C6orf89: variants seen among roughly 807,000 people sequenced by gnomAD.
C6orf89 encodes bombesin receptor-activated protein C6orf89.
Under a neutral mutation model 40.7 loss-of-function variants are expected in C6orf89, and 29 were observed. The ratio of observed to expected loss-of-function variants is 0.71; its 90% CI spans 0.53 to 0.97. The LOEUF is 0.97. Ranked by LOEUF, C6orf89 falls within the 50% of genes least tolerant of loss-of-function variation. The pLI is 0.00. For missense variants in C6orf89, 392 were observed against 429.1 expected, an observed-to-expected ratio of 0.91 and a Z score of 0.76; for synonymous variants, 165 against 152.2, an observed-to-expected ratio of 1.08 and a Z score of -0.62.
intron 1 of C6orf89, among the ~76,000 whole-genome samples, chr6:36,893,554 A>G (rs1761303736): frequency 6.6e-6 from 1 of 152,246 alleles, no homozygotes; most frequent in Non-Finnish European, 1.5e-5. Flanking sequence ...TATCATTTTA[A>G]CTTGAATTAC....
chr6:36,914,559 A>G lies in C6orf89; in HGVS notation c.561A>G (p.Gly187=), dbSNP rs769681927. ...ERLHPLVIKT[G]KPLLEEEIQH... is the part of the protein sequence containing the mutation. ...TTGTTTCCTGCCTTGCCAAGACGGG[A>G]AAGCCCCTGTTGGAGGAAGAGATTC... Residue 187 remains glycine, a synonymous_variant, in exon 6 of 9, where the codon GGA becomes GGG. Transcript: ENST00000480824. 1.7e-5 allele frequency: 27 copies of G among 1,614,042 alleles called. No homozygotes were observed. The highest frequency in any genetic ancestry group is 2.0e-5 in the Non-Finnish European group (24 of 1,179,878).
intron 2 of C6orf89, among the ~76,000 whole-genome samples, chr6:36,897,044 G>A (rs759080892): frequency 3.3e-4 from 49 of 149,754 alleles, no homozygotes; most frequent in Admixed American, 1.4e-3. Flanking sequence ...CAGGAGAATC[G>A]CTTGAACTCG....
chr6:36,878,293 T>C (rs1318847042), intron 1 of C6orf89, among the ~76,000 whole-genome samples: 1 of 152,252 alleles, frequency 6.6e-6, no homozygotes, highest in Non-Finnish European at 1.5e-5. Flanking sequence ...TATGTCACTG[T>C]CACACTACCT....
intron 4 of C6orf89, among the ~76,000 whole-genome samples, chr6:36,910,134 T>C (rs1016103952): frequency 6.7e-6 from 1 of 148,312 alleles, no homozygotes; most frequent in Non-Finnish European, 1.5e-5. Context: ...TCCTCTAGCT[T>C]TTTTTTTTTT....
chr6:36,893,880 A>G (rs1267828380), intron 1 of C6orf89, among the ~76,000 whole-genome samples: 1 of 152,146 alleles, frequency 6.6e-6, no homozygotes, highest in Non-Finnish European at 1.5e-5. Context: ...AACAAAAAAT[A>G]TCATCCTTTA....
intron 4 of C6orf89, among the ~76,000 whole-genome samples, chr6:36,905,143 C>T (rs535236394): frequency 2.0e-5 from 3 of 152,280 alleles, no homozygotes; most frequent in South Asian, 2.1e-4. Context: ...TTCCATATAT[C>T]GGCTTATTTA....
chr6:36,904,891 C>T (rs1253758293), intron 4 of C6orf89, among the ~76,000 whole-genome samples: 2 of 152,102 alleles, frequency 1.3e-5, no homozygotes, highest in African/African-American at 2.4e-5. Flanking sequence ...ACAAGAGGCA[C>T]CACCACCAAT....
At chr6:36,914,245 T>C (rs544926080) in intron 4 of C6orf89, 39 bp from the exon 5 acceptor site, 57 of 1,572,778 alleles carry the variant, frequency 3.6e-5, no homozygotes, top group Non-Finnish European at 4.9e-5. Context: ...AGCTATGCTC[T>C]TTCAGTATCT....
At chr6:36,910,870 A>T (rs1183187061) in intron 4 of C6orf89, among the ~76,000 whole-genome samples, 3 of 152,168 alleles carry the variant, frequency 2.0e-5, no homozygotes, top group Non-Finnish European at 4.4e-5. Flanking sequence ...TATGAATGAG[A>T]TTATTTTCCA....
rs902725483 is a variant in C6orf89 at position 36,912,540 on chromosome 6, T to C, written c.404-1744T>C. Among the ~76,000 whole-genome samples, 6 of 152,282 alleles carry C rather than the reference T, an allele frequency of 3.9e-5. No homozygotes were observed. The East Asian group carries it at 9.6e-4, about 24-fold the overall frequency. ...ACTGAATAAGAAGCATTTGAAAATA[T>C]TGGAGAAGAAAAAATGCAACTTTGC... On this transcript the variant is annotated intron_variant, in intron 4 of 8. Coordinates refer to ENST00000480824, the MANE Select transcript of C6orf89 (RefSeq NM_001286635.2).
intron 2 of C6orf89, among the ~76,000 whole-genome samples, chr6:36,879,520 C>T (rs957704839): frequency 4.6e-5 from 7 of 152,166 alleles, no homozygotes; most frequent in Non-Finnish European, 1.0e-4. Flanking sequence ...GCTTCTCTCT[C>T]TCTGTGCAAA....
chr6:36,893,419 A>G (rs1460192262), intron 1 of C6orf89, among the ~76,000 whole-genome samples: 3 of 152,170 alleles, frequency 2.0e-5, no homozygotes, highest in East Asian at 1.9e-4. Context: ...GCTTATCACA[A>G]TCCACAGGTA....
intron 1 of C6orf89, among the ~76,000 whole-genome samples, chr6:36,874,488 G>A (rs940135720): frequency 3.5e-4 from 54 of 152,242 alleles, no homozygotes; most frequent in African/African-American, 1.2e-3. Flanking sequence ...ACTGGGGGAA[G>A]GAGGACAATC....
Position 36,924,496 on chromosome 6 carries a change from A to G in C6orf89, c.*1055A>G, listed in dbSNP as rs1291424851. Reference sequence around the variant, plus strand: ...TAAAATGATTTCTGTCTGTGCTGCGAAACAAAGACAAGGTGAGGTGTTTTT... The same window carrying G: ...TAAAATGATTTCTGTCTGTGCTGCGGAACAAAGACAAGGTGAGGTGTTTTT... On this transcript the variant is annotated 3_prime_UTR_variant, in exon 9 of 9. Coordinates refer to ENST00000480824, the MANE Select transcript of C6orf89 (RefSeq NM_001286635.2). The G allele has an allele frequency of 6.6e-6, 1 of 152,256 alleles. No homozygotes were observed. 9.4% of individuals were successfully genotyped at this position (152,256 alleles called of 1,614,324 possible).
chr6:36,900,661 G>A (rs1761643956), intron 3 of C6orf89, among the ~76,000 whole-genome samples: 1 of 151,868 alleles, frequency 6.6e-6, no homozygotes. Flanking sequence ...CACCACACCT[G>A]GCTAATTTTT....
At chr6:36,907,752 A>G (rs1304602806) in intron 4 of C6orf89, among the ~76,000 whole-genome samples, 2 of 152,208 alleles carry the variant, frequency 1.3e-5, no homozygotes, top group East Asian at 1.9e-4. Flanking sequence ...AAGTTGCTAT[A>G]TAATTTACGC....
chr6:36,884,551 A>C (rs1381422946), upstream of C6orf89, among the ~76,000 whole-genome samples: 1 of 152,194 alleles, frequency 6.6e-6, no homozygotes, highest in Non-Finnish European at 1.5e-5. This position sits in a 1 kb window ranked among gnomAD's most constrained non-coding sequence, Gnocchi z 4.0. Flanking sequence ...AATAACAAAA[A>C]CTGAAAGAAA....
At position 36,926,246 on chromosome 6, in the gene C6orf89, G is replaced by C. The variant is rs929293089; in HGVS notation, c.*2805G>C. 1.3e-5 allele frequency: 2 copies of C among 152,162 alleles called. No homozygotes were observed. Among genetic ancestry groups the C allele is most frequent in the African/African-American group, 4.8e-5 (2 of 41,432 alleles). The allele number at this position is 152,162 out of a possible 1,614,324, so 9.4% of individuals were successfully genotyped here. On this transcript the variant is annotated 3_prime_UTR_variant, in exon 9 of 9. Coordinates refer to ENST00000480824, the MANE Select transcript of C6orf89 (RefSeq NM_001286635.2). Reference sequence around the variant, plus strand: ...GAAGAGAAGGAATAAAATAAAAGTGGTTCAAGCTGGGCATGGTGGCTCACA... The same window carrying C: ...GAAGAGAAGGAATAAAATAAAAGTGCTTCAAGCTGGGCATGGTGGCTCACA...
At chr6:36,875,477 C>T (rs1326150950) in intron 1 of C6orf89, among the ~76,000 whole-genome samples, 3 of 152,188 alleles carry the variant, frequency 2.0e-5, no homozygotes, top group African/African-American at 4.8e-5. Context: ...ACAGGACAAA[C>T]GGATCAGAGC....
Sources: gnomAD v4.1 joint callset for allele counts (sites outside exome capture counted in the v4.1 genomes callset) on GRCh38, gnomAD v4.1.1 for gene constraint, Gnocchi (gnomAD v3.1) non-coding constraint, MANE v1.5 for transcripts, NCBI Gene and HGNC (gene_info 2026-07-23, HGNC 2026-07-21) for gene names.